Variants in DCLK1 observed in about 807,000 individuals in gnomAD.
The protein encoded by DCLK1 is doublecortin like kinase 1.
DCLK1 carries 16 observed loss-of-function variants against 86.2 expected under a neutral mutation model. The observed-to-expected ratio is 0.19, with a 90% CI of 0.13 to 0.28. The LOEUF (loss-of-function observed/expected upper bound fraction) is 0.28. Among genes scored for constraint, DCLK1 ranks in the 10% least tolerant of loss-of-function variants. The probability of loss-of-function intolerance (pLI) is 1.00; values close to 1 mark genes in which losing one functional copy is unlikely to be tolerated. For synonymous variants in DCLK1, 369 were observed against 370.5 expected, an observed-to-expected ratio of 1.00 and a Z score of 0.05; for missense variants, 590 against 940.2, an observed-to-expected ratio of 0.63 and a Z score of 4.87.
intron 3 of DCLK1, among the ~76,000 whole-genome samples, chr13:35,955,571 C>T (rs1330938230): frequency 6.6e-6 from 1 of 152,140 alleles, no homozygotes; most frequent in Non-Finnish European, 1.5e-5. Flanking sequence ...TGGGGGGATA[C>T]AAACGTTCAG....
At chr13:36,077,312 C>T (rs1210522914) in intron 3 of DCLK1, among the ~76,000 whole-genome samples, 5 of 152,168 alleles carry the variant, frequency 3.3e-5, no homozygotes, top group African/African-American at 1.2e-4. Context: ...ATCACAGCTC[C>T]ATCAACTACT....
intron 4 of DCLK1, among the ~76,000 whole-genome samples, chr13:35,891,591 T>C (rs1873647275): frequency 1.3e-5 from 2 of 152,186 alleles, no homozygotes; most frequent in African/African-American, 4.8e-5. Flanking sequence ...CATCGAATCG[T>C]ACACTTTAAG....
chr13:35,866,793 T>C (rs1871826237), intron 5 of DCLK1, among the ~76,000 whole-genome samples: 1 of 152,166 alleles, frequency 6.6e-6, no homozygotes, highest in African/African-American at 2.4e-5. Context: ...GTAAAATTCA[T>C]GTTTGAGTCC....
chr13:35,944,722 G>A (rs954001250), intron 4 of DCLK1, among the ~76,000 whole-genome samples: 1 of 152,050 alleles, frequency 6.6e-6, no homozygotes, highest in Admixed American at 6.6e-5. Context: ...AAGGGTTAGG[G>A]TATTATTCAT....
chr13:36,038,713 T>C (rs1174078590), intron 3 of DCLK1, among the ~76,000 whole-genome samples: 1 of 152,220 alleles, frequency 6.6e-6, no homozygotes, highest in African/African-American at 2.4e-5. Flanking sequence ...TATTTAATTT[T>C]ACTAAGCGCT....
rs571098635 is a variant in DCLK1, at chr13:35,818,425, T to C, written c.1554+4304A>G. ...ACTGCGTGAAAACAAGGACCATGAG[T>C]TGCACGTGTCATTTTGATGGGCAGC... On this transcript the variant is annotated intron_variant, in intron 11 of 16. Transcript: ENST00000360631. 1.4e-4 allele frequency among the ~76,000 whole-genome samples: 21 copies of C among 152,246 alleles called. No homozygotes were observed. In the East Asian group the frequency reaches 3.1e-3, roughly 22 times the overall value.
chr13:36,092,686 C>T (rs1338834382), intron 3 of DCLK1, among the ~76,000 whole-genome samples: 1 of 151,726 alleles, frequency 6.6e-6, no homozygotes, highest in Non-Finnish European at 1.5e-5. Flanking sequence ...CAGGGTTTCA[C>T]CGTTTTAGCC....
chr13:35,833,302 C>T (rs1869106932), intron 8 of DCLK1, among the ~76,000 whole-genome samples: 1 of 152,178 alleles, frequency 6.6e-6, no homozygotes. Context: ...TATTAGTCCA[C>T]ACGGAGCCAG....
chr13:35,898,998 C>G (rs1874179155), intron 4 of DCLK1, among the ~76,000 whole-genome samples: 1 of 152,122 alleles, frequency 6.6e-6, no homozygotes, highest in Non-Finnish European at 1.5e-5. Context: ...TCTTCAGCCT[C>G]CCAAAGTGCT....
chr13:35,777,539 G>A (rs1236608422), intron 16 of DCLK1, among the ~76,000 whole-genome samples: 1 of 152,162 alleles, frequency 6.6e-6, no homozygotes, highest in Non-Finnish European at 1.5e-5. Flanking sequence ...AAAGACATTG[G>A]CCACAGGTAG....
intron 4 of DCLK1, among the ~76,000 whole-genome samples, chr13:35,932,267 T>C (rs1186195603): frequency 6.6e-6 from 1 of 152,206 alleles, no homozygotes; most frequent in African/African-American, 2.4e-5. Context: ...ACTTTCATCA[T>C]TGGCTCCTCC....
rs143859305 is a variant in DCLK1 at position 36,062,250 on chromosome 13, T to C, written c.723+49619A>G. Among the ~76,000 whole-genome samples the C allele has an allele frequency of 2.3e-4, 35 of 152,294 alleles. 1 individual carries two copies. The East Asian group carries it at 6.4e-3, about 28-fold the overall frequency. ...ACAGACTGTTTTTGAACTTCACTCA[T>C]CAATAATCTACATATAAAGAATCAA... is the stretch of plus-strand genomic sequence containing the variant. On this transcript the variant is annotated intron_variant, in intron 3 of 16. Transcript: ENST00000360631.
chr13:36,115,799 T>G (rs1346875219), intron 2 of DCLK1, among the ~76,000 whole-genome samples: 1 of 151,136 alleles, frequency 6.6e-6, no homozygotes, highest in East Asian at 1.9e-4. Flanking sequence ...AATACTAAAA[T>G]GTCAGAATAT....
chr13:36,064,681 T>G (rs1593858446), intron 3 of DCLK1, among the ~76,000 whole-genome samples: 1 of 143,382 alleles, frequency 7.0e-6, no homozygotes, highest in African/African-American at 2.6e-5. Flanking sequence ...AGAAAGAAAG[T>G]CAGGGGAAAA....
chr13:36,006,513 A>G (rs1880964329), intron 3 of DCLK1, among the ~76,000 whole-genome samples: 1 of 152,242 alleles, frequency 6.6e-6, no homozygotes, highest in African/African-American at 2.4e-5. Flanking sequence ...CCCTCTTGTG[A>G]AACAGTTTTT....
intron 4 of DCLK1, among the ~76,000 whole-genome samples, chr13:35,904,691 A>G (rs1487856642): frequency 1.3e-5 from 2 of 152,220 alleles, no homozygotes; most frequent in Non-Finnish European, 2.9e-5. Flanking sequence ...GGAGAGCCAG[A>G]AAGATTTATC....
chr13:35,892,164 A>G (rs1358753720), intron 4 of DCLK1, among the ~76,000 whole-genome samples: 1 of 152,026 alleles, frequency 6.6e-6, no homozygotes, highest in Non-Finnish European at 1.5e-5. Context: ...TTTCTTAGAG[A>G]GTCTGTTTCA....
chr13:36,057,063 T>TAC (rs936356917), intron 3 of DCLK1, among the ~76,000 whole-genome samples: 4 of 151,492 alleles, frequency 2.6e-5, no homozygotes, highest in Non-Finnish European at 5.9e-5. Flanking sequence ...TGAGTTTATA[T>TAC]ACACACACAC....
At chr13:35,801,458 AT>A (rs57750199) in intron 15 of DCLK1, among the ~76,000 whole-genome samples, 68,305 of 150,984 alleles carry the variant, frequency 0.45, 15,904 homozygotes, top group East Asian at 0.58. Context: ...TATTAAAACC[AT>A]TTTTTTTTTC....
Sources: allele counts gnomAD v4.1 joint callset (sites outside exome capture counted in the v4.1 genomes callset), GRCh38; gene constraint gnomAD v4.1.1; transcripts MANE v1.5; gene names NCBI Gene and HGNC (gene_info 2026-07-23, HGNC 2026-07-21).